Variants in CRIM1 observed in about 807,000 individuals in gnomAD.
The protein encoded by CRIM1 is cysteine rich transmembrane BMP regulator 1.
A neutral mutation model predicts 116.4 loss-of-function variants in CRIM1; 32 were observed. The ratio of observed to expected loss-of-function variants is 0.27; its 90% confidence interval spans 0.21 to 0.37. The LOEUF is 0.37. Among genes scored for constraint, CRIM1 ranks in the 10% least tolerant of loss-of-function variants. The pLI, the probability that CRIM1 is intolerant of heterozygous loss-of-function variation, is 1.00. For synonymous variants in CRIM1, 590 were observed against 509.2 expected (o/e 1.16, Z -2.13); for missense variants, 1,331 against 1,354.8 (o/e 0.98, Z 0.28).
Position 36,396,747 on chromosome 2 carries a change from A to C in CRIM1, c.465A>C (p.Pro155=). The change falls in exon 2 of 17, where the codon CCA becomes CCC. Residue 155 remains proline (P), a synonymous_variant. Coordinates refer to ENST00000280527, the MANE Select transcript of CRIM1 (RefSeq NM_016441.3). ...CCTGCAGCAATCCCTTTGAGTTTCCAAGTCAGGATATGTGCCTTTCAGCTT... is the reference window on the plus strand; with the variant it reads ...CCTGCAGCAATCCCTTTGAGTTTCCCAGTCAGGATATGTGCCTTTCAGCTT... ...IRTCSNPFEF[P]SQDMCLSALK... 1 of 1,613,572 alleles carries C rather than the reference A, an allele frequency of 6.2e-7. No individual in the cohort carries two copies. Among genetic ancestry groups the C allele is most frequent in the Non-Finnish European group, 8.5e-7 (1 of 1,179,552 alleles).
intron 5 of CRIM1, among the ~76,000 whole-genome samples, chr2:36,468,173 A>C (rs760709631): frequency 6.6e-6 from 1 of 152,234 alleles, no homozygotes; most frequent in Non-Finnish European, 1.5e-5. Flanking sequence ...CCCCACATGC[A>C]GAAATGGATT....
intron 5 of CRIM1, among the ~76,000 whole-genome samples, chr2:36,470,228 C>G (rs1454203344): frequency 1.3e-5 from 2 of 152,176 alleles, no homozygotes; most frequent in African/African-American, 2.4e-5. Context: ...TAGTCCTTCT[C>G]TTTTCACTTT....
intron 14 of CRIM1, among the ~76,000 whole-genome samples, chr2:36,542,082 TAAA>T (rs1459557306): frequency 6.6e-6 from 1 of 152,268 alleles, no homozygotes; most frequent in South Asian, 2.1e-4. Flanking sequence ...TGTTCTGTGA[TAAA>T]GAAGGAGGTG....
At chr2:36,434,030 T>C (rs1392254638) in intron 2 of CRIM1, among the ~76,000 whole-genome samples, 1 of 152,180 alleles carries the variant, frequency 6.6e-6, no homozygotes, top group Non-Finnish European at 1.5e-5. Flanking sequence ...GGGTTATGAT[T>C]GTGCGGAACA....
At chr2:36,488,679 T>G (rs532308825) in intron 7 of CRIM1, among the ~76,000 whole-genome samples, 3 of 152,224 alleles carry the variant, frequency 2.0e-5, no homozygotes, top group East Asian at 3.8e-4. Context: ...AGTTTAACTT[T>G]CGCATCTGAG....
intron 7 of CRIM1, among the ~76,000 whole-genome samples, chr2:36,488,280 G>A (rs568965769): frequency 6.6e-6 from 1 of 152,298 alleles, no homozygotes; most frequent in Non-Finnish European, 1.5e-5. Context: ...TCAAAGAGGG[G>A]AAATGTCCAT....
At chr2:36,517,097 C>T (rs149851912) in intron 11 of CRIM1, among the ~76,000 whole-genome samples, 395 of 152,292 alleles carry the variant, frequency 2.6e-3, no homozygotes, top group African/African-American at 9.0e-3. Context: ...TCTCTTATTA[C>T]TGTTGACAGA....
chr2:36,432,506 G>A (rs576058885), intron 2 of CRIM1, among the ~76,000 whole-genome samples: 14 of 152,188 alleles, frequency 9.2e-5, no homozygotes, highest in South Asian at 6.2e-4. Flanking sequence ...AAATTCAGTA[G>A]GATGCAAACA....
At chr2:36,467,507 GATTC>G (rs1246769000) in intron 5 of CRIM1, among the ~76,000 whole-genome samples, 2 of 152,270 alleles carry the variant, frequency 1.3e-5, no homozygotes, top group Middle Eastern at 6.8e-3. Context: ...ACATATCAAA[GATTC>G]ATTATCATCA....
chr2:36,534,315 A>G (rs1190155361), intron 13 of CRIM1, among the ~76,000 whole-genome samples: 4 of 117,148 alleles, frequency 3.4e-5, no homozygotes, highest in African/African-American at 9.9e-5. Flanking sequence ...AGGGAGGGGG[A>G]AGGAAAGAAG....
intron 1 of CRIM1, among the ~76,000 whole-genome samples, chr2:36,366,228 C>T (rs1366722429): frequency 2.0e-5 from 3 of 151,880 alleles, no homozygotes; most frequent in Non-Finnish European, 2.9e-5. Flanking sequence ...ATGATCAAAC[C>T]GTATTATCGC....
chr2:36,459,810 G>A (rs1677438287), intron 4 of CRIM1, among the ~76,000 whole-genome samples: 1 of 152,038 alleles, frequency 6.6e-6, no homozygotes, highest in Admixed American at 6.6e-5. Flanking sequence ...AGTGTAGGGT[G>A]TGTGCAGGAA....
At chr2:36,506,148 C>G (rs932866407) in intron 8 of CRIM1, among the ~76,000 whole-genome samples, 102 of 111,354 alleles carry the variant, frequency 9.2e-4, no homozygotes, top group Middle Eastern at 8.3e-3. Flanking sequence ...CACACACACA[C>G]ACACACACAC....
At chr2:36,481,324 C>T (rs1359539274) in intron 7 of CRIM1, among the ~76,000 whole-genome samples, 1 of 152,140 alleles carries the variant, frequency 6.6e-6, no homozygotes, top group Non-Finnish European at 1.5e-5. Context: ...TCTTAGCACA[C>T]ATTGATGTTT....
intron 2 of CRIM1, among the ~76,000 whole-genome samples, chr2:36,410,864 G>C (rs1673151958): frequency 6.6e-6 from 1 of 152,138 alleles, no homozygotes. Flanking sequence ...CATTAACGTG[G>C]CGTCTGCAAG....
At chr2:36,440,478 A>G (rs1166630575) in intron 2 of CRIM1, among the ~76,000 whole-genome samples, 2 of 152,180 alleles carry the variant, frequency 1.3e-5, no homozygotes, top group Non-Finnish European at 2.9e-5. Context: ...ACTCAACCCA[A>G]GAAGCTAAAC....
chr2:36,365,899 ACTT>A (rs1314959759), intron 1 of CRIM1, among the ~76,000 whole-genome samples: 109 of 151,982 alleles, frequency 7.2e-4, no homozygotes, highest in Non-Finnish European at 1.0e-3. Flanking sequence ...ACGCCCAACT[ACTT>A]TGTGTATTTT....
At chr2:36,489,419 T>G (rs1296411182) in intron 7 of CRIM1, among the ~76,000 whole-genome samples, 2 of 152,198 alleles carry the variant, frequency 1.3e-5, no homozygotes, top group Non-Finnish European at 2.9e-5. Flanking sequence ...CTCAGATCTT[T>G]TCAAAGCCAT....
intron 2 of CRIM1, among the ~76,000 whole-genome samples, chr2:36,405,191 G>A (rs553349276): frequency 1.1e-4 from 16 of 152,176 alleles, no homozygotes; most frequent in South Asian, 1.0e-3. Context: ...TTTTATGTGC[G>A]TGGGAGAAAA....
Sources: allele counts gnomAD v4.1 joint callset (sites outside exome capture counted in the v4.1 genomes callset), GRCh38; gene constraint gnomAD v4.1.1; transcripts MANE v1.5; gene names NCBI Gene and HGNC (gene_info 2026-07-23, HGNC 2026-07-21).